Variants in TCF25 observed in about 807,000 individuals in gnomAD.
The protein encoded by TCF25 is TCF25 ribosome quality control complex subunit.
TCF25 carries 41 observed loss-of-function variants against 83.1 expected under a neutral mutation model. The ratio of observed to expected loss-of-function variants is 0.49; its 90% confidence interval spans 0.38 to 0.64. TCF25 has a LOEUF of 0.64. Ranked by LOEUF, TCF25 falls within the 30% of genes least tolerant of loss-of-function variation. The pLI, the probability that TCF25 is intolerant of heterozygous loss-of-function variation, is 0.00. For synonymous variants in TCF25, 458 were observed against 365.0 expected, an observed-to-expected ratio of 1.25 and a Z score of -2.90; for missense variants, 979 against 914.5, an observed-to-expected ratio of 1.07 and a Z score of -0.91.
At chr16:89,904,017 G>C in intron 12 of TCF25, 101 bp from the exon 13 acceptor site, 2 of 1,194,364 alleles carry the variant, frequency 1.7e-6, no homozygotes, top group Non-Finnish European at 2.4e-6. Flanking sequence ...GAACAGCTGT[G>C]TCTGTGACAA....
At chr16:89,908,447 C>T (rs535460901) in intron 16 of TCF25, among the ~76,000 whole-genome samples, 17 of 148,484 alleles carry the variant, frequency 1.1e-4, no homozygotes, top group Non-Finnish European at 9.0e-5. Context: ...CCTCCTTCCT[C>T]GCAGTTCCCA....
Position 89,904,689 on chromosome 16 carries a change from G to A in TCF25, c.1470-249G>A, listed in dbSNP as rs774630593. The A allele has an allele frequency of 9.4e-6, 6 of 636,818 alleles. No homozygotes were observed. The South Asian group carries it at 9.7e-5, about 10-fold the overall frequency. 39.4% of individuals were successfully genotyped at this position (636,818 alleles called of 1,614,324 possible). ...TGTGCACGCAGATGGACCCGCCCTG[G>A]GTGCATTTTCACATTTCTGTGACGT... On this transcript the variant is annotated intron_variant, in intron 13 of 17. Coordinates refer to ENST00000263346, the MANE Select transcript of TCF25 (RefSeq NM_014972.3).
chr16:89,877,119 A>C (rs1172804364), intron 1 of TCF25, among the ~76,000 whole-genome samples: 1 of 150,222 alleles, frequency 6.7e-6, no homozygotes, highest in Non-Finnish European at 1.5e-5. Context: ...TAAATAAATA[A>C]ATAAATAAAT....
Position 89,908,853 on chromosome 16 carries a change from C to T in TCF25, c.1799+1531C>T, listed in dbSNP as rs528928268. On this transcript the variant is annotated intron_variant, in intron 16 of 17. Transcript: ENST00000263346. ...AGCTCCCACCTCGCAGCTCCCAGCT[C>T]TCTCCTGCAGCTCTGAGGTCAGGGC... The T allele has an allele frequency of 2.6e-6, 3 of 1,169,412 alleles. No individual in the cohort carries two copies. The African/African-American group carries it at 4.8e-5, about 19-fold the overall frequency. The allele number at this position is 1,169,412 out of a possible 1,614,324, so 72.4% of individuals were successfully genotyped here.
intron 7 of TCF25, among the ~76,000 whole-genome samples, chr16:89,894,405 C>T (rs994932144): frequency 2.1e-5 from 3 of 145,588 alleles, no homozygotes; most frequent in Non-Finnish European, 2.9e-5. Flanking sequence ...GGGCGGCCCT[C>T]ACGCAGCCGC....
rs193125818 is a variant in TCF25 at position 89,905,127 on chromosome 16, C to T, written c.1628+31C>T. On this transcript the variant is annotated intron_variant, in intron 14 of 17. Coordinates refer to ENST00000263346, the MANE Select transcript of TCF25 (RefSeq NM_014972.3). ...CTAGGGGTTGACACAAGCCCTGCCA[C>T]GCCCCCTCCTCAGGGACCCTCATCC... The T allele has an allele frequency of 3.8e-4, 581 of 1,538,856 alleles. 1 individual carries two copies. In the African/African-American group the frequency reaches 7.1e-3, roughly 19 times the overall value.
At chr16:89,901,291 A>G (rs1335401217) in intron 12 of TCF25, among the ~76,000 whole-genome samples, 2 of 152,202 alleles carry the variant, frequency 1.3e-5, no homozygotes, top group African/African-American at 4.8e-5. Context: ...TGAGGCTGCC[A>G]CCTGGTCAGA....
chr16:89,904,976 T>C lies in TCF25; in HGVS notation c.1508T>C (p.Leu503Pro), dbSNP rs1327679857. 6 of 1,608,458 alleles carry C rather than the reference T, an allele frequency of 3.7e-6. No homozygotes were observed. The highest frequency in any genetic ancestry group is 5.1e-6 in the Non-Finnish European group (6 of 1,177,772). The change falls in exon 14 of 18, where the codon CTT becomes CCT. Residue 503 changes from leucine to proline, a missense_variant. Transcript: ENST00000263346. ...PALSQLVNLY[L>P]GRSHFLWKEP... ...CTGAGCCAGCTGGTGAACCTGTACC[T>C]TGGGAGGTCACACTTTCTCTGGAAA...
chr16:89,908,605 C>A (rs937976692), intron 16 of TCF25, among the ~76,000 whole-genome samples: 1 of 47,904 alleles, frequency 2.1e-5, no homozygotes, highest in African/African-American at 7.8e-5. Flanking sequence ...CCGCCTCCCT[C>A]CTCCCAGCTC....
chr16:89,878,171 TCGGGAGGCTGAGA>T (rs1332736371), intron 1 of TCF25, among the ~76,000 whole-genome samples: 1 of 151,808 alleles, frequency 6.6e-6, no homozygotes, highest in African/African-American at 2.4e-5. Flanking sequence ...TCACAGCTAC[TCGGGAGGCTGAGA>T]CGGGAGGATG....
intron 13 of TCF25, 133 bp from the exon 14 acceptor site, chr16:89,904,805 A>AG: frequency 9.0e-7 from 1 of 1,107,004 alleles, no homozygotes. Flanking sequence ...CCAGCAGCCC[A>AG]GGGGCCTCCT....
intron 1 of TCF25, among the ~76,000 whole-genome samples, chr16:89,875,681 C>T (rs1479531785): frequency 6.6e-6 from 1 of 151,546 alleles, no homozygotes; most frequent in Non-Finnish European, 1.5e-5. Flanking sequence ...CGCCACCACG[C>T]CTGGCTAATT....
chr16:89,907,113 T>G, intron 15 of TCF25, 130 bp from the exon 16 acceptor site: 1 of 927,340 alleles, frequency 1.1e-6, no homozygotes, highest in Non-Finnish European at 1.7e-6. Context: ...GCCGTTTCTG[T>G]CAGACTCTGT....
At chr16:89,892,391 CGG>C in intron 6 of TCF25, 116 bp downstream of exon 6, 3 of 303,448 alleles carry the variant, frequency 9.9e-6, no homozygotes, top group Non-Finnish European at 1.2e-5. Flanking sequence ...TGGAGGGCGG[CGG>C]GGGGGTGTGT....
intron 5 of TCF25, 144 bp from the exon 6 acceptor site, chr16:89,892,049 T>A: frequency 3.0e-6 from 2 of 664,126 alleles, no homozygotes; most frequent in Non-Finnish European, 4.8e-6. Flanking sequence ...TTGCATCCTG[T>A]CCTTAATGCG....
Position 89,883,516 on chromosome 16 carries a change from G to A in TCF25, c.354+4G>A. The A allele has an allele frequency of 6.3e-7, 1 of 1,595,976 alleles. No individual in the cohort carries two copies. The highest frequency in any genetic ancestry group is 8.5e-7 in the Non-Finnish European group (1 of 1,171,792). The stretch of plus-strand genomic sequence containing the variant: ...CGAGACAGTGCCCTCAGAGCAGGTG[G>A]GGGGCTGAGTGGTGAGGAGGTGGCA... On this transcript the variant is annotated splice_donor_region_variant and intron_variant, in intron 2 of 17. Coordinates refer to ENST00000263346, the MANE Select transcript of TCF25 (RefSeq NM_014972.3).
Position 89,892,318 on chromosome 16 carries a change from C to T in TCF25, c.697+43C>T, listed in dbSNP as rs768231980. ...CTGCTGGGGATGGAGGGTTGGGGGGCGTTGTCTGTGCACTGGCCCCGGTAC... is the reference window on the plus strand; with the variant it reads ...CTGCTGGGGATGGAGGGTTGGGGGGTGTTGTCTGTGCACTGGCCCCGGTAC... On this transcript the variant is annotated intron_variant, in intron 6 of 17. Transcript: ENST00000263346. The T allele has an allele frequency of 1.2e-5, 19 of 1,555,974 alleles. No individual in the cohort carries two copies. In the East Asian group the frequency reaches 2.5e-4, roughly 20 times the overall value.
intron 1 of TCF25, chr16:89,878,434 ATTTTTTTTTT>A: frequency 9.9e-7 from 1 of 1,005,710 alleles, no homozygotes; most frequent in Non-Finnish European, 1.2e-6. Flanking sequence ...AAAAATCACC[ATTTTTTTTTT>A]TTTTTTTTTT....
chr16:89,874,081 G>T (rs535231240), intron 1 of TCF25, among the ~76,000 whole-genome samples: 35 of 139,952 alleles, frequency 2.5e-4, no homozygotes, highest in Non-Finnish European at 4.6e-4. Context: ...GTTAGACTGG[G>T]TTCTAACCCC....
Sources: allele counts gnomAD v4.1 joint callset (sites outside exome capture counted in the v4.1 genomes callset), GRCh38; gene constraint gnomAD v4.1.1; transcripts MANE v1.5; gene names NCBI Gene and HGNC (gene_info 2026-07-23, HGNC 2026-07-21).